Variants in ELP4 observed in about 807,000 individuals in gnomAD.
The protein encoded by ELP4 is elongator acetyltransferase complex subunit 4, also known as elongator complex protein 4.
Under a neutral mutation model 48.9 loss-of-function variants are expected in ELP4, and 51 were observed. The observed-to-expected ratio is 1.04, with a 90% CI of 0.83 to 1.32. The LOEUF (loss-of-function observed/expected upper bound fraction) is 1.32, where lower values mean the gene tolerates loss of function less well. ELP4 is among the 40% of genes most tolerant of loss of function. ELP4 has a pLI of 0.00. For missense variants in ELP4, 519 were observed against 514.6 expected (o/e 1.01, Z -0.08); for synonymous variants, 210 against 189.2 (o/e 1.11, Z -0.90).
intron 5 of ELP4, among the ~76,000 whole-genome samples, chr11:31,615,045 G>A (rs1267986193): frequency 6.6e-6 from 1 of 152,002 alleles, no homozygotes; most frequent in Non-Finnish European, 1.5e-5. Context: ...TCAGATGGTT[G>A]TATTGTTCTC....
At chr11:31,653,463 C>G (rs1288452568) in intron 9 of ELP4, 1 of 151,504 alleles carries the variant, frequency 6.6e-6, no homozygotes, top group Non-Finnish European at 1.5e-5. Flanking sequence ...ATTTGTTGAG[C>G]CTTTGTTAAG....
rs1486834664 is a variant in ELP4 at position 31,745,703 on chromosome 11, A to T, written c.1144-37690A>T. On this transcript the variant is annotated intron_variant, in intron 9 of 9. Coordinates refer to ENST00000640961, the MANE Select transcript of ELP4 (RefSeq NM_019040.5). ...GGCTAGCCATATGTAGAAAGCTGAAACTGGATCCCTTCCTTACACCTTATA... is the reference window on the plus strand; with the variant it reads ...GGCTAGCCATATGTAGAAAGCTGAATCTGGATCCCTTCCTTACACCTTATA... Among the ~76,000 whole-genome samples the T allele has an allele frequency of 2.6e-5, 4 of 152,340 alleles. No homozygotes were observed. In the East Asian group the frequency reaches 7.7e-4, roughly 29 times the overall value.
chr11:31,610,163 T>C (rs991838140), intron 5 of ELP4, among the ~76,000 whole-genome samples: 1 of 152,192 alleles, frequency 6.6e-6, no homozygotes, highest in Admixed American at 6.5e-5. Context: ...TAAAAGGATA[T>C]GGTGAATGAT....
intron 2 of ELP4, among the ~76,000 whole-genome samples, chr11:31,522,481 A>T (rs545401453): frequency 1.3e-5 from 2 of 152,248 alleles, no homozygotes; most frequent in South Asian, 4.1e-4. Context: ...GTACTACTTC[A>T]TTTTTGTTAA....
chr11:31,518,768 T>C (rs813277), intron 1 of ELP4, among the ~76,000 whole-genome samples: 58,405 of 150,970 alleles, frequency 0.39, 14,821 homozygotes, highest in African/African-American at 0.72. Flanking sequence ...TAGTGGTGGG[T>C]GCCTGTAATC....
At chr11:31,757,260 T>C (rs191629852) in intron 9 of ELP4, among the ~76,000 whole-genome samples, 117 of 152,244 alleles carry the variant, frequency 7.7e-4, no homozygotes, top group African/African-American at 2.8e-3. Flanking sequence ...GGGTTTTGAG[T>C]CTACCTAAGG....
chr11:31,702,843 A>G (rs1313846363), intron 9 of ELP4, among the ~76,000 whole-genome samples: 1 of 152,198 alleles, frequency 6.6e-6, no homozygotes, highest in South Asian at 2.1e-4. Flanking sequence ...TAAAATGAGG[A>G]TATCAATGCC....
intron 3 of ELP4, among the ~76,000 whole-genome samples, chr11:31,594,173 G>A (rs1243474588): frequency 6.6e-6 from 1 of 152,070 alleles, no homozygotes; most frequent in Non-Finnish European, 1.5e-5. Flanking sequence ...TGGTTATGAA[G>A]TTGGTCACCT....
intron 1 of ELP4, among the ~76,000 whole-genome samples, chr11:31,515,175 C>T (rs190983450): frequency 3.4e-4 from 51 of 152,090 alleles, no homozygotes; most frequent in African/African-American, 1.1e-3. Flanking sequence ...AACTATCCTT[C>T]ACAGTGACCA....
chr11:31,757,034 T>G (rs1947849159), intron 9 of ELP4, among the ~76,000 whole-genome samples: 1 of 152,230 alleles, frequency 6.6e-6, no homozygotes, highest in Admixed American at 6.5e-5. Flanking sequence ...AATGCCAGTT[T>G]TTTGAAAAAA....
intron 1 of ELP4, among the ~76,000 whole-genome samples, chr11:31,518,236 A>T (rs1231254966): frequency 1.3e-5 from 2 of 150,316 alleles, no homozygotes; most frequent in African/African-American, 4.9e-5. Flanking sequence ...CCTCCTGCGT[A>T]GCTGGGATTA....
chr11:31,511,925 A>G (rs1038555801), intron 1 of ELP4: 2 of 152,258 alleles, frequency 1.3e-5, no homozygotes, highest in Admixed American at 1.3e-4. Context: ...TGGTAGAAAC[A>G]GTATTGGTTG....
chr11:31,717,885 T>A (rs1946873540), intron 9 of ELP4, among the ~76,000 whole-genome samples: 1 of 152,202 alleles, frequency 6.6e-6, no homozygotes, highest in South Asian at 2.1e-4. Context: ...GTGCTTCTGT[T>A]TATGGACCTG....
chr11:31,647,687 A>C, intron 7 of ELP4, 54 bp from the exon 8 acceptor site: 1 of 1,063,020 alleles, frequency 9.4e-7, no homozygotes, highest in Non-Finnish European at 1.5e-6. Context: ...TTTTATAGAT[A>C]TTATACTATT....
At chr11:31,678,541 GTATA>G (rs771176089) in intron 9 of ELP4, among the ~76,000 whole-genome samples, 3 of 71,248 alleles carry the variant, frequency 4.2e-5, no homozygotes, top group African/African-American at 2.8e-4. Context: ...GTGTGTGTGT[GTATA>G]TGTGCATTTT....
intron 7 of ELP4, among the ~76,000 whole-genome samples, chr11:31,644,645 TA>T (rs1945165962): frequency 6.6e-6 from 1 of 151,790 alleles, no homozygotes; most frequent in Admixed American, 6.6e-5. Context: ...TATATTCTTC[TA>T]AGTAAATTCA....
Position 31,783,433 on chromosome 11 carries a change from G to T in ELP4, c.1184G>T (p.Arg395Leu). 1.2e-6 allele frequency: 2 copies of T among 1,613,996 alleles called. No individual in the cohort carries two copies. The highest frequency in any genetic ancestry group is 1.7e-6 in the Non-Finnish European group (2 of 1,179,894). The change falls in exon 10 of 10, where the codon CGC (arginine) becomes CTC (leucine). Residue 395 changes from arginine (R) to leucine (L), a missense_variant. Transcript: ENST00000640961. ...CCAGACTTGTCAGACACAGTGAGCC[G>T]CTCAAGCAAAATGGATCTGGCAGAA... Reference protein sequence around the residue: ...LPPDLSDTVSRSSKMDLAESA... With the variant: ...LPPDLSDTVSLSSKMDLAESA...
At position 31,509,877 on chromosome 11, in the gene ELP4, G is replaced by T. The variant is rs373816333; in HGVS notation, c.93G>T (p.Arg31Ser). The stretch of plus-strand genomic sequence containing the variant: ...AGAGCAACGTCACCAGTTTCCAGAG[G>T]AGGGGTCCTAGAGCCAGCGTGACCA... ...ASKSNVTSFQ[R>S]RGPRASVTND... The change falls in exon 1 of 10, where the codon AGG becomes AGT. Residue 31 changes from arginine to serine, a missense_variant. Coordinates refer to ENST00000640961, the MANE Select transcript of ELP4 (RefSeq NM_019040.5). 1.1e-5 allele frequency: 17 copies of T among 1,614,068 alleles called. 1 individual carries two copies. Among genetic ancestry groups the T allele is most frequent in the Admixed American group, 1.0e-4 (6 of 60,008 alleles).
rs542921533 is a variant in ELP4 at position 31,671,513 on chromosome 11, A to G, written c.1143+21292A>G. Among the ~76,000 whole-genome samples, 10 of 152,356 alleles carry G rather than the reference A, an allele frequency of 6.6e-5. No homozygotes were observed. In the South Asian group the frequency reaches 2.1e-3, roughly 32 times the overall value. On this transcript the variant is annotated intron_variant, in intron 9 of 9. Coordinates refer to ENST00000640961, the MANE Select transcript of ELP4 (RefSeq NM_019040.5). Reference sequence around the variant, plus strand: ...ATCAGAGATTTAAGACATTATAGATAAATAGCTTACTAAATTGAGACATAA... The same window carrying G: ...ATCAGAGATTTAAGACATTATAGATGAATAGCTTACTAAATTGAGACATAA...
Sources: gnomAD v4.1 joint callset for allele counts (sites outside exome capture counted in the v4.1 genomes callset) on GRCh38, gnomAD v4.1.1 for gene constraint, MANE v1.5 for transcripts, NCBI Gene and HGNC (gene_info 2026-07-23, HGNC 2026-07-21) for gene names.